NBPF12: variants seen among roughly 807,000 people sequenced by gnomAD.
NBPF12 encodes NBPF family member NBPF12.
A neutral mutation model predicts 146.4 loss-of-function variants in NBPF12; 115 were observed. The ratio of observed to expected loss-of-function variants is 0.79; its 90% CI spans 0.68 to 0.92. NBPF12 has a LOEUF of 0.92. Ranked by LOEUF, NBPF12 falls within the 40% of genes least tolerant of loss-of-function variation. The pLI is 0.00. For synonymous variants in NBPF12, 385 were observed against 508.9 expected, an observed-to-expected ratio of 0.76 and a Z score of 3.28; for missense variants, 1,205 against 1,326.8, an observed-to-expected ratio of 0.91 and a Z score of 1.43.
chr1:146,980,539 C>T (rs1657307014), intron 19 of NBPF12, among the ~76,000 whole-genome samples: 1 of 151,594 alleles, frequency 6.6e-6, no homozygotes, highest in Admixed American at 6.6e-5. Context: ...GCATTTGCTT[C>T]TCTGTAAAGG....
chr1:146,960,809 T>TG (rs1298968517), intron 4 of NBPF12, among the ~76,000 whole-genome samples: 1 of 152,036 alleles, frequency 6.6e-6, no homozygotes, highest in Non-Finnish European at 1.5e-5. Context: ...AAGAGGAGTC[T>TG]GCTCCTAATA....
At position 146,964,883 on chromosome 1, in the gene NBPF12, G is replaced by C. The variant is rs1169033558; in HGVS notation, c.567-10G>C. ...ATCTTCTGTCATCTCTGTCCCACCT[G>C]GCTCATCAGGGAGGTGCAGAAGGCT... On this transcript the variant is annotated splice_polypyrimidine_tract_variant and intron_variant, in intron 7 of 33. Coordinates refer to ENST00000617844, the Ensembl canonical transcript of NBPF12. 1.1e-5 allele frequency: 17 copies of C among 1,562,128 alleles called. No individual in the cohort carries two copies. The highest frequency in any genetic ancestry group is 1.5e-5 in the Non-Finnish European group (17 of 1,136,642).
rs1656054100 is a variant in NBPF12 at position 146,964,334 on chromosome 1, G to A, written c.494-23G>A. 1.6e-5 allele frequency: 24 copies of A among 1,528,502 alleles called. No homozygotes were observed. In the South Asian group the frequency reaches 2.5e-4, roughly 16 times the overall value. The allele number at this position is 1,528,502 out of a possible 1,614,324, so 94.7% of individuals were successfully genotyped here. ...GCAGAATGTGAAGTGGGACATATCT[G>A]AATGAACATTTTGTATTTATAGAAA... On this transcript the variant is annotated intron_variant, in intron 6 of 33. Transcript: ENST00000617844.
intron 2 of NBPF12, among the ~76,000 whole-genome samples, chr1:146,956,581 CATAAT>C (rs1655600108): frequency 6.6e-6 from 1 of 151,746 alleles, no homozygotes; most frequent in African/African-American, 2.4e-5. Context: ...TTCAATAAAA[CATAAT>C]AGAGATTAAT....
At chr1:146,962,632 C>G (rs1655927459) in intron 5 of NBPF12, among the ~76,000 whole-genome samples, 1 of 151,248 alleles carries the variant, frequency 6.6e-6, no homozygotes, top group Non-Finnish European at 1.5e-5. Flanking sequence ...TCTTCTCATT[C>G]TTTCACTCAA....
chr1:146,941,758 C>CAAAAAA (rs1226007703), intron 1 of NBPF12, among the ~76,000 whole-genome samples: 5 of 61,818 alleles, frequency 8.1e-5, no homozygotes, highest in Non-Finnish European at 9.3e-5. Flanking sequence ...TGTCTTGTAC[C>CAAAAAA]AAAAAAAAAA....
chr1:146,984,868 G>C, exon 22 of NBPF12: 10 of 1,566,142 alleles, frequency 6.4e-6, no homozygotes, highest in Admixed American at 1.7e-5. Flanking sequence ...GGACTCACTG[G>C]ATAGATGTTA....
At chr1:146,965,030 A>G in exon 8 of NBPF12, 1 of 1,608,652 alleles carries the variant, frequency 6.2e-7, no homozygotes, top group South Asian at 1.1e-5. Flanking sequence ...GAGGAAGACA[A>G]AGTCAACTCA....
At chr1:146,978,018 G>A (rs1228808242) in intron 18 of NBPF12, among the ~76,000 whole-genome samples, 1 of 151,894 alleles carries the variant, frequency 6.6e-6, no homozygotes, top group African/African-American at 2.4e-5. Flanking sequence ...TTCTATGCCT[G>A]TTTAAGGAAG....
exon 34 of NBPF12, chr1:146,994,981 T>C: frequency 3.6e-6 from 1 of 274,256 alleles, no homozygotes; most frequent in South Asian, 4.4e-5. Flanking sequence ...CTAACCTCAT[T>C]ATTTGTGTCT....
chr1:146,963,453 G>C (rs1430210027), intron 6 of NBPF12, 144 bp downstream of exon 9: 19 of 1,558,372 alleles, frequency 1.2e-5, no homozygotes, highest in African/African-American at 1.1e-4. Context: ...GACTTCCTGG[G>C]TAAGAACAGA....
chr1:146,989,145 T>C (rs1300007479), intron 27 of NBPF12, among the ~76,000 whole-genome samples, 196 bp downstream of exon 30: 3 of 104,594 alleles, frequency 2.9e-5, no homozygotes, highest in Admixed American at 1.2e-4. Flanking sequence ...TAACGTACCA[T>C]AGGTTGACCA....
intron 9 of NBPF12, among the ~76,000 whole-genome samples, chr1:146,967,252 C>T (rs1656268016): frequency 6.6e-6 from 1 of 150,566 alleles, no homozygotes; most frequent in Admixed American, 6.6e-5. Context: ...CCTGTAATCC[C>T]AGCCCTTTGG....
At chr1:146,970,852 G>A (rs1656560632) in intron 12 of NBPF12, 133 bp downstream of exon 15, 2 of 1,018,344 alleles carry the variant, frequency 2.0e-6, no homozygotes, top group Non-Finnish European at 3.1e-6. Flanking sequence ...ATTCAACCCA[G>A]CTTAGACACA....
intron 19 of NBPF12, among the ~76,000 whole-genome samples, chr1:146,981,591 A>G (rs1479883212): frequency 4.6e-5 from 7 of 151,672 alleles, no homozygotes; most frequent in African/African-American, 1.7e-4. Context: ...CTGAATTTGA[A>G]TGTTGGCCTT....
chr1:146,962,412 A>G lies in NBPF12; in HGVS notation c.278+149A>G, dbSNP rs1655910360. On this transcript the variant is annotated intron_variant, in intron 5 of 33. Coordinates refer to ENST00000617844, the Ensembl canonical transcript of NBPF12. ...CTCATGACACACAAATATTTATCAGAGAACAAGGATAATAATAAGTTCTGT... is the reference window on the plus strand; with the variant it reads ...CTCATGACACACAAATATTTATCAGGGAACAAGGATAATAATAAGTTCTGT... 1.2e-5 allele frequency: 8 copies of G among 669,832 alleles called. No homozygotes were observed. In the South Asian group the frequency reaches 1.4e-4, roughly 12 times the overall value. The allele number at this position is 669,832 out of a possible 1,614,324, so 41.5% of individuals were successfully genotyped here. A position where few individuals can be genotyped will look rare whatever the true frequency, so the allele number is the denominator to read the frequency against.
At chr1:146,966,645 C>G (rs1228236443) in exon 9 of NBPF12, 1 of 1,484,658 alleles carries the variant, frequency 6.7e-7, no homozygotes, top group Non-Finnish European at 9.4e-7. Flanking sequence ...AACTGGCCGG[C>G]TTCCTGGCCA....
At chr1:146,982,670 C>T (rs1357474669) in intron 19 of NBPF12, among the ~76,000 whole-genome samples, 4 of 150,170 alleles carry the variant, frequency 2.7e-5, no homozygotes, top group Non-Finnish European at 4.5e-5. Context: ...TGGTAGTTTA[C>T]AGGGAGAGTC....
rs1553885437 is a variant in NBPF12 at position 146,965,083 on chromosome 1, G to T, written c.757G>T (p.Asp253Tyr). Residue 253 changes from aspartate to tyrosine, a missense_variant, in exon 8 of 34, where the codon GAT (aspartate) becomes TAT (tyrosine). Around this residue, in one of 16 missense-constraint regions of NBPF12, gnomAD observed 325 missense variants for 236.6 expected, o/e 1.37. Coordinates refer to ENST00000617844, the Ensembl canonical transcript of NBPF12. ...AAAATCCTCTCATGATGAATGTCAG[G>T]ATGCTCTAAACATTCTCCCAGGTAG... 7.5e-6 allele frequency: 12 copies of T among 1,599,778 alleles called. No homozygotes were observed. The East Asian group carries it at 2.7e-4, about 36-fold the overall frequency.
Sources: allele counts gnomAD v4.1 joint callset (sites outside exome capture counted in the v4.1 genomes callset), GRCh38; gene constraint gnomAD v4.1.1; regional missense constraint gnomAD v4.1.1; transcripts MANE v1.5; gene names NCBI Gene and HGNC (gene_info 2026-07-23, HGNC 2026-07-21).